Variants in FSTL5 observed in about 807,000 individuals in gnomAD.
The protein encoded by FSTL5 is follistatin-related protein 5.
FSTL5 carries 62 observed loss-of-function variants against 89.1 expected under a neutral mutation model. That is an observed-to-expected ratio of 0.70 (90% CI 0.57 to 0.86). The LOEUF is 0.86. Ranked by LOEUF, FSTL5 falls within the 40% of genes least tolerant of loss-of-function variation. FSTL5 has a pLI of 0.00. For missense variants in FSTL5, 1,057 were observed against 1,001.6 expected, an observed-to-expected ratio of 1.06 and a Z score of -0.75; for synonymous variants, 383 against 346.2, an observed-to-expected ratio of 1.11 and a Z score of -1.18.
chr4:161,521,866 A>AAAAAAAAAAAG (rs1731046246), intron 10 of FSTL5, among the ~76,000 whole-genome samples: 29 of 116,382 alleles, frequency 2.5e-4, no homozygotes, highest in African/African-American at 5.2e-4. Flanking sequence ...AAAAAAAAAG[A>AAAAAAAAAAAG]AAAAAAAAGA....
chr4:161,454,329 TATC>T (rs1253723595), intron 15 of FSTL5, among the ~76,000 whole-genome samples: 10 of 152,156 alleles, frequency 6.6e-5, no homozygotes, highest in African/African-American at 2.4e-4. Context: ...TAATACTAAA[TATC>T]ATGATATCCC....
Position 161,783,500 on chromosome 4 carries a change from TTTTCTTTCAGTGCATTATGTCTTCTTTC to T in FSTL5, c.410-7454_410-7427del, listed in dbSNP as rs1241385918. Among the ~76,000 whole-genome samples the T allele has an allele frequency of 3.9e-3, 585 of 151,826 alleles. 2 individuals are homozygous for T. The highest frequency in any genetic ancestry group is 6.8e-3 in the Middle Eastern group (2 of 294). ...ATTATGTCTTCTTTCTTTCTTTCTT[TTTTCTTTCAGTGCATTATGTCTTCTTTC>T]TTTCTTTCAGTGCATTATGTCTGCT... On this transcript the variant is annotated intron_variant, in intron 4 of 15. Transcript: ENST00000306100.
At chr4:162,144,512 AGT>A (rs1171484266) in intron 1 of FSTL5, among the ~76,000 whole-genome samples, 1 of 152,156 alleles carries the variant, frequency 6.6e-6, no homozygotes, top group African/African-American at 2.4e-5. Context: ...TCAAATACAG[AGT>A]GTGTGATTAG....
At chr4:161,727,662 C>T (rs1485788895) in intron 6 of FSTL5, among the ~76,000 whole-genome samples, 1 of 152,164 alleles carries the variant, frequency 6.6e-6, no homozygotes, top group African/African-American at 2.4e-5. Flanking sequence ...CTAATATAAG[C>T]TATATTTTCT....
intron 3 of FSTL5, among the ~76,000 whole-genome samples, chr4:161,993,936 G>A (rs1160180522): frequency 6.6e-6 from 1 of 152,052 alleles, no homozygotes; most frequent in African/African-American, 2.4e-5. Flanking sequence ...ACACGTGGAG[G>A]TTTGTTACAT....
chr4:162,070,089 A>C (rs1228609162), intron 2 of FSTL5, among the ~76,000 whole-genome samples: 5 of 151,590 alleles, frequency 3.3e-5, no homozygotes, highest in Admixed American at 2.6e-4. Context: ...GGGTGAGGTA[A>C]TATCTCATGT....
At chr4:161,679,987 T>C (rs1212818024) in intron 6 of FSTL5, among the ~76,000 whole-genome samples, 2 of 151,768 alleles carry the variant, frequency 1.3e-5, no homozygotes, top group Non-Finnish European at 3.0e-5. Flanking sequence ...TACAAAACAA[T>C]ATTAAACATT....
At chr4:161,914,598 A>G (rs1468342022) in intron 4 of FSTL5, among the ~76,000 whole-genome samples, 1 of 152,184 alleles carries the variant, frequency 6.6e-6, no homozygotes, top group Non-Finnish European at 1.5e-5. Context: ...AATAACAAAT[A>G]TATTTCCAAA....
chr4:161,457,798 C>T (rs1381098113), intron 14 of FSTL5, among the ~76,000 whole-genome samples: 1 of 151,982 alleles, frequency 6.6e-6, no homozygotes, highest in Admixed American at 6.6e-5. Context: ...AATACAAAAT[C>T]TCAATTAACA....
intron 3 of FSTL5, among the ~76,000 whole-genome samples, chr4:161,962,329 G>A (rs1353151621): frequency 6.6e-6 from 1 of 151,830 alleles, no homozygotes; most frequent in East Asian, 1.9e-4. Flanking sequence ...AACTTGCATG[G>A]CTCTCAATGT....
intron 14 of FSTL5, among the ~76,000 whole-genome samples, chr4:161,456,574 C>A (rs1265957321): frequency 4.6e-5 from 7 of 152,154 alleles, no homozygotes; most frequent in Non-Finnish European, 1.0e-4. Context: ...GCATGGGAAA[C>A]ACTATAGCCA....
chr4:161,652,221 G>A (rs947708220), intron 7 of FSTL5, among the ~76,000 whole-genome samples: 7 of 152,132 alleles, frequency 4.6e-5, no homozygotes, highest in Non-Finnish European at 1.0e-4. Flanking sequence ...AGGATCACTT[G>A]AGGCTAGGAT....
chr4:161,721,084 C>A (rs912289472), intron 6 of FSTL5, among the ~76,000 whole-genome samples: 1 of 151,656 alleles, frequency 6.6e-6, no homozygotes, highest in Non-Finnish European at 1.5e-5. Context: ...CGAGACCATC[C>A]TGGCTAACAA....
chr4:161,531,952 C>A (rs1201757637), intron 10 of FSTL5, among the ~76,000 whole-genome samples: 2 of 152,014 alleles, frequency 1.3e-5, no homozygotes, highest in African/African-American at 4.8e-5. Flanking sequence ...CGCCTATAAT[C>A]CCAGCACTTT....
intron 3 of FSTL5, among the ~76,000 whole-genome samples, chr4:161,955,179 T>TA (rs1349222698): frequency 1.3e-5 from 2 of 151,636 alleles, no homozygotes; most frequent in African/African-American, 4.8e-5. Flanking sequence ...CTTGTATAGA[T>TA]AGAGACAGAG....
intron 9 of FSTL5, among the ~76,000 whole-genome samples, chr4:161,541,498 G>A (rs543845259): frequency 6.6e-6 from 1 of 152,034 alleles, no homozygotes; most frequent in Non-Finnish European, 1.5e-5. Context: ...CACTAGATAT[G>A]TGTGCAAATG....
chr4:161,433,048 G>A (rs1732433990), intron 15 of FSTL5, among the ~76,000 whole-genome samples: 1 of 151,394 alleles, frequency 6.6e-6, no homozygotes, highest in Admixed American at 6.6e-5. Flanking sequence ...ATCAATAGAT[G>A]AGAAAATAAT....
chr4:161,827,364 A>G (rs1449619634), intron 4 of FSTL5, among the ~76,000 whole-genome samples: 2 of 152,178 alleles, frequency 1.3e-5, no homozygotes, highest in Non-Finnish European at 2.9e-5. Context: ...CAGGGGAGTG[A>G]AGTAAACTCT....
intron 4 of FSTL5, among the ~76,000 whole-genome samples, chr4:161,855,961 CAAGA>C: frequency 2.0e-5 from 3 of 151,914 alleles, no homozygotes; most frequent in East Asian, 3.9e-4. Flanking sequence ...GGAATAAAAC[CAAGA>C]TATTTAAAAC....
Sources: gnomAD v4.1 joint callset for allele counts (sites outside exome capture counted in the v4.1 genomes callset) on GRCh38, gnomAD v4.1.1 for gene constraint, MANE v1.5 for transcripts, NCBI Gene and HGNC (gene_info 2026-07-23, HGNC 2026-07-21) for gene names.